The following ATP1B3 variants were observed in gnomAD, a reference collection of about 807,000 sequenced individuals.
ATP1B3 encodes the protein sodium/potassium-transporting ATPase subunit beta-3.
In ATP1B3, 10 loss-of-function variants were observed where a neutral mutation model predicts 30.2. That is an observed-to-expected ratio of 0.33 (90% CI 0.20 to 0.56). ATP1B3 has a LOEUF of 0.56. Among genes scored for constraint, ATP1B3 ranks in the 20% least tolerant of loss-of-function variants. The probability of loss-of-function intolerance (pLI) is 0.90; values close to 1 mark genes in which losing one functional copy is unlikely to be tolerated. For missense variants in ATP1B3, 238 were observed against 336.7 expected (o/e 0.71, Z 2.29); for synonymous variants, 113 against 117.0 (o/e 0.97, Z 0.22).
intron 3 of ATP1B3, among the ~76,000 whole-genome samples, chr3:141,908,059 C>T (rs1171087582): frequency 7.3e-5 from 10 of 136,056 alleles, no homozygotes; most frequent in Non-Finnish European, 1.2e-4. Context: ...TTTTTTTGTG[C>T]CAGGCATTCT....
At chr3:141,883,237 C>T (rs539533753) in intron 1 of ATP1B3, among the ~76,000 whole-genome samples, 4 of 152,274 alleles carry the variant, frequency 2.6e-5, no homozygotes, top group African/African-American at 7.2e-5. Flanking sequence ...CCTGTAATCC[C>T]AGCACTTTGG....
chr3:141,886,625 CAT>C (rs1483347068), intron 1 of ATP1B3, among the ~76,000 whole-genome samples: 3 of 152,172 alleles, frequency 2.0e-5, no homozygotes, highest in Non-Finnish European at 1.5e-5. Flanking sequence ...AGATAGGACT[CAT>C]AGACCTAAAT....
chr3:141,896,343 C>G (rs879914687), intron 1 of ATP1B3, among the ~76,000 whole-genome samples: 2 of 151,908 alleles, frequency 1.3e-5, no homozygotes, highest in Non-Finnish European at 2.9e-5. Flanking sequence ...TAAGAAGACC[C>G]CCTTCTGTAC....
chr3:141,907,059 T>C, intron 2 of ATP1B3, 108 bp from the exon 3 acceptor site: 2 of 720,392 alleles, frequency 2.8e-6, no homozygotes, highest in Middle Eastern at 2.9e-4. Context: ...TTCAGCATAC[T>C]GTCAACACAA....
chr3:141,888,713 G>A (rs1220241882), intron 1 of ATP1B3, among the ~76,000 whole-genome samples: 1 of 152,040 alleles, frequency 6.6e-6, no homozygotes, highest in Non-Finnish European at 1.5e-5. Context: ...ATTGAATCAT[G>A]GGGGCAGGTC....
chr3:141,910,999 A>AT (rs140329530), intron 3 of ATP1B3, among the ~76,000 whole-genome samples: 30 of 138,500 alleles, frequency 2.2e-4, no homozygotes, highest in Admixed American at 4.3e-4. Flanking sequence ...AAAGTTTTTC[A>AT]TTTTTTTTTT....
chr3:141,913,587 A>G (rs1479110116), intron 3 of ATP1B3, 65 bp from the exon 4 acceptor site: 7 of 1,337,986 alleles, frequency 5.2e-6, no homozygotes, highest in Non-Finnish European at 7.1e-6. Flanking sequence ...AAAGGTTAAT[A>G]TATTCCTGGT....
chr3:141,922,960 T>C (rs563241867), intron 6 of ATP1B3, among the ~76,000 whole-genome samples: 1 of 150,862 alleles, frequency 6.6e-6, no homozygotes, highest in Non-Finnish European at 1.5e-5. Context: ...AGCGAGACTC[T>C]GTCTCAAAAA....
chr3:141,879,924 G>T (rs7625807), intron 1 of ATP1B3, among the ~76,000 whole-genome samples: 1 of 148,692 alleles, frequency 6.7e-6, no homozygotes, highest in Non-Finnish European at 1.5e-5. Flanking sequence ...GGTGGTGGGA[G>T]AAAAAGATTA....
At chr3:141,877,198 C>G (rs889348427) in intron 1 of ATP1B3, among the ~76,000 whole-genome samples, 3 of 137,992 alleles carry the variant, frequency 2.2e-5, no homozygotes, top group East Asian at 2.0e-4. Context: ...GCCCGGGCCT[C>G]CCGCCCGGCG....
intron 1 of ATP1B3, among the ~76,000 whole-genome samples, chr3:141,881,061 G>A (rs765821889): frequency 6.6e-6 from 1 of 152,072 alleles, no homozygotes; most frequent in East Asian, 1.9e-4. Flanking sequence ...AAATTAGCCC[G>A]GCATGGTGGC....
intron 1 of ATP1B3, among the ~76,000 whole-genome samples, chr3:141,893,599 G>A (rs1235392072): frequency 2.0e-5 from 3 of 152,000 alleles, no homozygotes; most frequent in Non-Finnish European, 4.4e-5. Context: ...GTTCTCCTGA[G>A]GTTAAGTTTT....
chr3:141,900,183 C>A (rs1182241570), intron 1 of ATP1B3, among the ~76,000 whole-genome samples: 1 of 151,940 alleles, frequency 6.6e-6, no homozygotes, highest in Non-Finnish European at 1.5e-5. Context: ...GGAGCATGGT[C>A]CCCCAGAAAG....
chr3:141,900,894 C>T (rs1934149542), intron 1 of ATP1B3, among the ~76,000 whole-genome samples: 1 of 152,102 alleles, frequency 6.6e-6, no homozygotes, highest in South Asian at 2.1e-4. Flanking sequence ...GCAATTCTCC[C>T]ATCTCAGCCT....
intron 5 of ATP1B3, among the ~76,000 whole-genome samples, chr3:141,919,456 G>A (rs999692430): frequency 6.6e-6 from 1 of 151,890 alleles, no homozygotes; most frequent in African/African-American, 2.4e-5. Context: ...AGATGATCCT[G>A]CAAAAGATGT....
At chr3:141,888,624 T>C (rs1005762694) in intron 1 of ATP1B3, among the ~76,000 whole-genome samples, 3 of 152,156 alleles carry the variant, frequency 2.0e-5, no homozygotes, top group Admixed American at 2.0e-4. Context: ...ATGGCTTGGC[T>C]GTGTCCCCAC....
intron 4 of ATP1B3, 76 bp from the exon 5 acceptor site, chr3:141,915,894 T>C (rs969744138): frequency 8.5e-7 from 1 of 1,173,032 alleles, no homozygotes. Context: ...TCACCCCTTG[T>C]TCCCAGCAAC....
chr3:141,905,932 A>G (rs1265554942), intron 2 of ATP1B3, among the ~76,000 whole-genome samples: 3 of 152,034 alleles, frequency 2.0e-5, no homozygotes, highest in African/African-American at 4.8e-5. Context: ...AAATAAATAT[A>G]CATGCATACA....
At chr3:141,894,325 A>AG (rs1934017709) in intron 1 of ATP1B3, among the ~76,000 whole-genome samples, 1 of 146,792 alleles carries the variant, frequency 6.8e-6, no homozygotes, top group African/African-American at 2.5e-5. Flanking sequence ...AACTTTTTAC[A>AG]ATTTTTTTTT....
Sources: allele counts gnomAD v4.1 joint callset (sites outside exome capture counted in the v4.1 genomes callset), GRCh38; gene constraint gnomAD v4.1.1; transcripts MANE v1.5; gene names NCBI Gene and HGNC (gene_info 2026-07-23, HGNC 2026-07-21).